LUZP2: variants seen among roughly 807,000 people sequenced by gnomAD.
The protein encoded by LUZP2 is leucine zipper protein 2.
Under a neutral mutation model 51.6 loss-of-function variants are expected in LUZP2, and 52 were observed. The ratio of observed to expected loss-of-function variants is 1.01; its 90% CI spans 0.81 to 1.27. LUZP2 has a LOEUF of 1.27. Among genes scored for constraint, LUZP2 ranks in the 50% most tolerant of loss-of-function variants. LUZP2 has a pLI of 0.00. For missense variants in LUZP2, 436 were observed against 395.4 expected (o/e 1.10, Z -0.87); for synonymous variants, 154 against 137.3 (o/e 1.12, Z -0.85).
intron 1 of LUZP2, among the ~76,000 whole-genome samples, chr11:24,709,329 A>C (rs1857730764): frequency 1.3e-5 from 2 of 152,294 alleles, no homozygotes; most frequent in African/African-American, 4.8e-5. Flanking sequence ...ATGTTTATTT[A>C]AATTGGGCCT....
chr11:24,956,579 A>G (rs1376152360), intron 7 of LUZP2, among the ~76,000 whole-genome samples: 11 of 152,258 alleles, frequency 7.2e-5, no homozygotes, highest in South Asian at 2.1e-4. Context: ...ATGTTTTTCA[A>G]CAAATGAAAC....
intron 6 of LUZP2, among the ~76,000 whole-genome samples, chr11:24,910,538 T>C (rs1853594705): frequency 6.6e-6 from 1 of 152,186 alleles, no homozygotes; most frequent in Admixed American, 6.5e-5. Flanking sequence ...CCACGGTACA[T>C]CTCAGACCAT....
intron 6 of LUZP2, 95 bp downstream of exon 6, chr11:24,906,148 C>G: frequency 1.5e-6 from 1 of 686,320 alleles, no homozygotes; most frequent in Non-Finnish European, 2.4e-6. Flanking sequence ...ACTCTTTTTC[C>G]TCCTAATACA....
chr11:24,837,117 C>A (rs1331156313), intron 5 of LUZP2, among the ~76,000 whole-genome samples: 20 of 151,730 alleles, frequency 1.3e-4, no homozygotes, highest in Non-Finnish European at 2.2e-4. Flanking sequence ...TGTCCTACCC[C>A]CTTTCCCCAG....
intron 9 of LUZP2, among the ~76,000 whole-genome samples, chr11:25,011,245 C>G (rs1856976289): frequency 6.6e-6 from 1 of 152,164 alleles, no homozygotes; most frequent in African/African-American, 2.4e-5. Context: ...AATGGCTTCA[C>G]AGTAGACAAA....
Position 24,509,244 on chromosome 11 carries a change from T to A in LUZP2, c.62+11939T>A, listed in dbSNP as rs74920196. Among the ~76,000 whole-genome samples, 44 of 152,196 alleles carry A rather than the reference T, an allele frequency of 2.9e-4. No individual in the cohort carries two copies. The East Asian group carries it at 7.7e-3, about 27-fold the overall frequency. ...TTGGTCTGTCTTGAGAGCCTTACCA[T>A]ATGATAATAACAGCCAGATTTTTCT... On this transcript the variant is annotated intron_variant, in intron 1 of 11. Transcript: ENST00000336930.
intron 1 of LUZP2, among the ~76,000 whole-genome samples, chr11:24,647,182 C>T (rs1445771571): frequency 6.6e-6 from 1 of 151,978 alleles, no homozygotes; most frequent in Non-Finnish European, 1.5e-5. Context: ...GCTGTTTCTT[C>T]AGTCTGAGAA....
intron 1 of LUZP2, among the ~76,000 whole-genome samples, chr11:24,646,083 T>G (rs2133953669): frequency 6.6e-6 from 1 of 152,134 alleles, no homozygotes; most frequent in South Asian, 2.1e-4. Flanking sequence ...CTTTATAAAA[T>G]TTGAATGTTG....
At chr11:24,767,857 C>A (rs1269782825) in intron 5 of LUZP2, among the ~76,000 whole-genome samples, 1 of 152,200 alleles carries the variant, frequency 6.6e-6, no homozygotes, top group Non-Finnish European at 1.5e-5. Context: ...AACCTCCCTT[C>A]TCTAACTTCC....
chr11:24,571,538 C>T (rs1852443585), intron 1 of LUZP2, among the ~76,000 whole-genome samples: 2 of 152,018 alleles, frequency 1.3e-5, no homozygotes, highest in African/African-American at 2.4e-5. Context: ...TAACAATTCT[C>T]ATATGTCATT....
At chr11:24,956,354 T>C (rs1280210210) in intron 7 of LUZP2, among the ~76,000 whole-genome samples, 2 of 152,058 alleles carry the variant, frequency 1.3e-5, no homozygotes, top group East Asian at 1.9e-4. Flanking sequence ...ACCTTGACTT[T>C]GGCCCAGTAA....
chr11:24,841,642 T>G (rs1002401140), intron 5 of LUZP2, among the ~76,000 whole-genome samples: 3 of 151,692 alleles, frequency 2.0e-5, no homozygotes, highest in African/African-American at 4.8e-5. Flanking sequence ...AGAAAATCAA[T>G]TCCAAAGGGC....
intron 1 of LUZP2, among the ~76,000 whole-genome samples, chr11:24,566,329 T>TC (rs369179171): frequency 1.1e-3 from 143 of 130,028 alleles, no homozygotes; most frequent in African/African-American, 2.5e-3. Context: ...TTTATTTATT[T>TC]TTTTTTTTTT....
chr11:24,956,631 A>G (rs967000006), intron 7 of LUZP2, among the ~76,000 whole-genome samples: 1 of 152,154 alleles, frequency 6.6e-6, no homozygotes, highest in African/African-American at 2.4e-5. Flanking sequence ...GATAGCACTC[A>G]TAAATGAGTC....
chr11:24,989,894 G>T (rs1370697152), intron 9 of LUZP2, among the ~76,000 whole-genome samples: 1 of 152,034 alleles, frequency 6.6e-6, no homozygotes. Flanking sequence ...TACTAGTATT[G>T]CTAATTATTA....
At chr11:24,502,918 A>G (rs985458415) in intron 1 of LUZP2, among the ~76,000 whole-genome samples, 5 of 152,244 alleles carry the variant, frequency 3.3e-5, no homozygotes, top group Non-Finnish European at 5.9e-5. Flanking sequence ...TAGACTTGAA[A>G]GTTTTTATGA....
intron 9 of LUZP2, among the ~76,000 whole-genome samples, chr11:25,002,236 T>C (rs1200073490): frequency 6.6e-6 from 1 of 152,226 alleles, no homozygotes; most frequent in Non-Finnish European, 1.5e-5. Flanking sequence ...CATCACTAAC[T>C]ATGGCATAAC....
At chr11:24,827,679 A>G (rs1224358734) in intron 5 of LUZP2, among the ~76,000 whole-genome samples, 1 of 152,134 alleles carries the variant, frequency 6.6e-6, no homozygotes, top group Non-Finnish European at 1.5e-5. Context: ...CAGACCAGGC[A>G]AGGGCTTGTG....
At chr11:25,002,675 T>C (rs1856720149) in intron 9 of LUZP2, among the ~76,000 whole-genome samples, 1 of 152,144 alleles carries the variant, frequency 6.6e-6, no homozygotes, top group Non-Finnish European at 1.5e-5. Context: ...CTTACTTAGG[T>C]ATGTCACTGG....
Sources: gnomAD v4.1 joint callset for allele counts (sites outside exome capture counted in the v4.1 genomes callset) on GRCh38, gnomAD v4.1.1 for gene constraint, MANE v1.5 for transcripts, NCBI Gene and HGNC (gene_info 2026-07-23, HGNC 2026-07-21) for gene names.